GFOD1: variants seen among roughly 807,000 people sequenced by gnomAD.
GFOD1 encodes Gfo/Idh/MocA-like oxidoreductase domain containing 1.
A neutral mutation model predicts 25.4 loss-of-function variants in GFOD1; 9 were observed. The ratio of observed to expected loss-of-function variants is 0.35; its 90% CI spans 0.21 to 0.62. The LOEUF (loss-of-function observed/expected upper bound fraction) is 0.62. Ranked by LOEUF, GFOD1 falls within the 20% of genes least tolerant of loss-of-function variation. The pLI is 0.72. For missense variants in GFOD1, 403 were observed against 556.9 expected, an observed-to-expected ratio of 0.72 and a Z score of 2.78; for synonymous variants, 253 against 245.6, an observed-to-expected ratio of 1.03 and a Z score of -0.28.
At chr6:13,373,791 T>C (rs1200171874) in intron 1 of GFOD1, among the ~76,000 whole-genome samples, 1 of 149,384 alleles carries the variant, frequency 6.7e-6, no homozygotes, top group Non-Finnish European at 1.5e-5. Context: ...TTTTTTTTTT[T>C]TTGAAGTTAG....
At position 13,360,440 on chromosome 6, in the gene GFOD1, T is replaced by A; in HGVS notation, c.*4303A>T. 2 of 333,986 alleles carry A rather than the reference T, an allele frequency of 6.0e-6. No homozygotes were observed. The allele number at this position is 333,986 out of a possible 1,614,324, so 20.7% of individuals were successfully genotyped here. On this transcript the variant is annotated 3_prime_UTR_variant, in exon 2 of 2. Coordinates refer to ENST00000379287, the MANE Select transcript of GFOD1 (RefSeq NM_018988.4). ...GTGCAGTGCACAGCTAAAATTGGAG[T>A]GACAAACAAACGAACTTTAAAGCCC... is the stretch of plus-strand genomic sequence containing the variant.
chr6:13,420,661 T>C (rs930416630), intron 1 of GFOD1, among the ~76,000 whole-genome samples: 3 of 152,248 alleles, frequency 2.0e-5, no homozygotes, highest in Non-Finnish European at 2.9e-5. Context: ...TCTTTTTTCC[T>C]AAGTCTCTAG....
At chr6:13,389,604 G>A (rs549879608) in intron 1 of GFOD1, among the ~76,000 whole-genome samples, 2 of 152,136 alleles carry the variant, frequency 1.3e-5, no homozygotes, top group East Asian at 3.9e-4. Flanking sequence ...CACACACTGG[G>A]GCCTGTTGGG....
chr6:13,365,174 C>T lies in GFOD1; in HGVS notation c.742G>A (p.Asp248Asn), dbSNP rs749970186. The T allele has an allele frequency of 6.2e-7, 1 of 1,613,928 alleles. No individual in the cohort carries two copies. The highest frequency in any genetic ancestry group is 1.1e-5 in the South Asian group (1 of 91,084). The stretch of plus-strand genomic sequence containing the variant: ...CCGGCTGAGCCCACCACAGTGACAT[C>T]CTGCTTGAACTCGCCGGGCACGTTG... ...NFNVPGEFKQDVTVVGSAGRL... is the reference protein window; with the variant it reads ...NFNVPGEFKQNVTVVGSAGRL... The change falls in exon 2 of 2, where the codon GAT becomes AAT. Residue 248 changes from aspartate to asparagine, a missense_variant. Transcript: ENST00000379287. The surrounding 1 kb of genome is among the most constrained non-coding windows in gnomAD (Gnocchi z 9.2).
At chr6:13,468,117 A>G (rs1482637000) in intron 1 of GFOD1, among the ~76,000 whole-genome samples, 1 of 152,146 alleles carries the variant, frequency 6.6e-6, no homozygotes, top group African/African-American at 2.4e-5. Context: ...AGAAGAAAAA[A>G]ATTTATAATC....
intron 1 of GFOD1, among the ~76,000 whole-genome samples, chr6:13,392,089 G>A (rs1321044539): frequency 6.6e-6 from 1 of 152,116 alleles, no homozygotes; most frequent in Non-Finnish European, 1.5e-5. Flanking sequence ...CCTAGGCTGG[G>A]TGCAGTGGCT....
chr6:13,373,502 T>G (rs1209351567), intron 1 of GFOD1, among the ~76,000 whole-genome samples: 1 of 152,116 alleles, frequency 6.6e-6, no homozygotes, highest in East Asian at 1.9e-4. Context: ...CAAGAAAGAT[T>G]AAGCAGAATT....
intron 1 of GFOD1, among the ~76,000 whole-genome samples, chr6:13,383,535 T>C (rs1441518328): frequency 6.6e-6 from 1 of 152,240 alleles, no homozygotes; most frequent in Non-Finnish European, 1.5e-5. Flanking sequence ...AATCAAGGTG[T>C]GGGATGGAAC....
chr6:13,437,726 T>C (rs1268161864), intron 1 of GFOD1, among the ~76,000 whole-genome samples: 4 of 152,192 alleles, frequency 2.6e-5, no homozygotes, highest in South Asian at 4.1e-4. Flanking sequence ...GCATACACCA[T>C]GGGCCAAAAT....
chr6:13,412,185 C>T lies in GFOD1; in HGVS notation c.254-46523G>A, dbSNP rs149026731. 2.8e-3 allele frequency among the ~76,000 whole-genome samples: 427 copies of T among 152,270 alleles called. 1 individual carries two copies. The highest frequency in any genetic ancestry group is 9.8e-3 in the African/African-American group (409 of 41,544). The stretch of plus-strand genomic sequence containing the variant: ...ATTCATATATTGAAGCTCAAACCCC[C>T]AGTACCTCAGAATGTGACTATATTT... On this transcript the variant is annotated intron_variant, in intron 1 of 1. Transcript: ENST00000379287.
intron 1 of GFOD1, among the ~76,000 whole-genome samples, chr6:13,374,295 G>GTGTGTGTGTA (rs1785212371): frequency 6.7e-6 from 1 of 149,324 alleles, no homozygotes; most frequent in South Asian, 2.1e-4. Flanking sequence ...GTGTGTGTGT[G>GTGTGTGTGTA]TGTGTGTGTG....
rs1195738735 is a variant in GFOD1 at position 13,390,777 on chromosome 6, G to GGAAGGAAGGAAGGAAGGA, written c.254-25116_254-25115insTCCTTCCTTCCTTCCTTC. Among the ~76,000 whole-genome samples the GGAAGGAAGGAAGGAAGGA allele has an allele frequency of 3.8e-3, 288 of 75,448 alleles. 3 individuals are homozygous for GGAAGGAAGGAAGGAAGGA. The highest frequency in any genetic ancestry group is 0.015 in the Middle Eastern group (2 of 134). The allele number at this position is 75,448 out of a possible 152,430, so 49.5% of individuals were successfully genotyped here. A position where few individuals can be genotyped will look rare whatever the true frequency, so the allele number is the denominator to read the frequency against. ...AGAGAGAGAAAGAGAGAGAGAGAGA[G>GGAAGGAAGGAAGGAAGGA]AGAAAGGAAGGAAGGAAGGAAGGAA... is the stretch of plus-strand genomic sequence containing the variant. On this transcript the variant is annotated intron_variant, in intron 1 of 1. Coordinates refer to ENST00000379287, the MANE Select transcript of GFOD1 (RefSeq NM_018988.4).
chr6:13,382,143 T>C (rs147496007), intron 1 of GFOD1, among the ~76,000 whole-genome samples: 34 of 152,238 alleles, frequency 2.2e-4, no homozygotes, highest in African/African-American at 7.7e-4. Context: ...CAAACCCCCA[T>C]AATCTGGCTC....
At chr6:13,431,230 G>A (rs992224872) in intron 1 of GFOD1, among the ~76,000 whole-genome samples, 4 of 152,188 alleles carry the variant, frequency 2.6e-5, no homozygotes, top group African/African-American at 4.8e-5. Flanking sequence ...TGTACCACAC[G>A]GTTATGGTGT....
chr6:13,482,572 C>T lies in GFOD1; in HGVS notation c.253+4066G>A, dbSNP rs568769811. Among the ~76,000 whole-genome samples, 6 of 152,004 alleles carry T rather than the reference C, an allele frequency of 3.9e-5. No individual in the cohort carries two copies. In the South Asian group the frequency reaches 1.0e-3, roughly 26 times the overall value. ...GACCAGCCTGGCCAACATAGGGAAA[C>T]CCCATCTCTACTAAAAAATACAAAA... On this transcript the variant is annotated intron_variant, in intron 1 of 1. Transcript: ENST00000379287.
chr6:13,433,910 T>G (rs1008509651), intron 1 of GFOD1, among the ~76,000 whole-genome samples: 1 of 152,222 alleles, frequency 6.6e-6, no homozygotes, highest in Non-Finnish European at 1.5e-5. Flanking sequence ...CCAAAGGCGC[T>G]TATCTGCAGA....
chr6:13,405,153 T>C (rs1365638584), intron 1 of GFOD1, among the ~76,000 whole-genome samples: 1 of 152,234 alleles, frequency 6.6e-6, no homozygotes, highest in Admixed American at 6.5e-5. Flanking sequence ...TTTTGAAGTC[T>C]TCTCAAGCTT....
rs760361039 is a variant in GFOD1 at position 13,364,699 on chromosome 6, C to T, written c.*44G>A. 4 of 1,516,662 alleles carry T rather than the reference C, an allele frequency of 2.6e-6. No homozygotes were observed. The Admixed American group carries it at 5.2e-5, about 20-fold the overall frequency. 94.0% of individuals were successfully genotyped at this position (1,516,662 alleles called of 1,614,324 possible). ...CCCTCGGCCCTTCCCTCTCTGTGGA[C>T]ATCCCCTGCAGAAGGCTCAAGTCCC... On this transcript the variant is annotated 3_prime_UTR_variant, in exon 2 of 2. Coordinates refer to ENST00000379287, the MANE Select transcript of GFOD1 (RefSeq NM_018988.4). The surrounding 1 kb of genome is among the most constrained non-coding windows in gnomAD (Gnocchi z 4.1).
chr6:13,484,398 C>A (rs572654241), intron 1 of GFOD1, among the ~76,000 whole-genome samples: 16 of 152,316 alleles, frequency 1.1e-4, no homozygotes, highest in Admixed American at 2.6e-4. Flanking sequence ...TCACTTCCTA[C>A]GTTCTATGTG....
Sources: gnomAD v4.1 joint callset for allele counts (sites outside exome capture counted in the v4.1 genomes callset) on GRCh38, gnomAD v4.1.1 for gene constraint, Gnocchi (gnomAD v3.1) non-coding constraint, MANE v1.5 for transcripts, NCBI Gene and HGNC (gene_info 2026-07-23, HGNC 2026-07-21) for gene names.